PTPRD: variants seen among roughly 807,000 people sequenced by gnomAD.
The protein encoded by PTPRD is protein tyrosine phosphatase receptor type D.
A neutral mutation model predicts 214.5 loss-of-function variants in PTPRD; 34 were observed. The ratio of observed to expected loss-of-function variants is 0.16; its 90% confidence interval spans 0.12 to 0.21. PTPRD has a LOEUF of 0.21. PTPRD is among the 10% of genes least tolerant of loss of function. The pLI is 1.00. For missense variants in PTPRD, 2,545 were observed against 2,398.7 expected, an observed-to-expected ratio of 1.06 and a Z score of -1.27; for synonymous variants, 1,128 against 845.7, an observed-to-expected ratio of 1.33 and a Z score of -5.79.
chr9:9,796,655 G>A lies in PTPRD; in HGVS notation c.-367-29804C>T, dbSNP rs149531557. On this transcript the variant is annotated intron_variant, in intron 5 of 45. Transcript: ENST00000381196. ...AAAGAAGAAAAAACAAGCAAAAATT[G>A]CATTCAAAAAGGTAGGCAAGAACTA... Among the ~76,000 whole-genome samples, 1,044 of 152,146 alleles carry A rather than the reference G, an allele frequency of 6.9e-3. 9 individuals carry two copies. The highest frequency in any genetic ancestry group is 0.028 in the South Asian group (137 of 4,820).
chr9:9,004,567 C>A (rs371983188), intron 11 of PTPRD, among the ~76,000 whole-genome samples: 1 of 151,838 alleles, frequency 6.6e-6, no homozygotes, highest in Non-Finnish European at 1.5e-5. Context: ...TGTTTCTCTT[C>A]CTGACATTCT....
chr9:8,474,972 T>C (rs965948234), intron 30 of PTPRD, among the ~76,000 whole-genome samples: 2 of 152,204 alleles, frequency 1.3e-5, no homozygotes, highest in Non-Finnish European at 2.9e-5. Context: ...TCCTTCCCCA[T>C]TTGATCCCAT....
chr9:8,967,526 T>C (rs1232006443), intron 11 of PTPRD, among the ~76,000 whole-genome samples: 7 of 152,062 alleles, frequency 4.6e-5, no homozygotes, highest in South Asian at 2.1e-4. Flanking sequence ...TGCAACAACA[T>C]AGATGAAGCT....
At chr9:10,200,292 A>G (rs2099414485) in intron 3 of PTPRD, among the ~76,000 whole-genome samples, 1 of 152,120 alleles carries the variant, frequency 6.6e-6, no homozygotes, top group South Asian at 2.1e-4. Flanking sequence ...TATAACATAT[A>G]GATCAGTGGT....
intron 11 of PTPRD, among the ~76,000 whole-genome samples, chr9:8,869,512 G>A (rs1176246303): frequency 6.6e-6 from 1 of 152,108 alleles, no homozygotes; most frequent in Non-Finnish European, 1.5e-5. Context: ...GATTGATCCA[G>A]ACCCTGAATC....
chr9:8,330,616 C>A (rs139548564), intron 44 of PTPRD, among the ~76,000 whole-genome samples: 142 of 152,142 alleles, frequency 9.3e-4, no homozygotes, highest in African/African-American at 3.2e-3. Flanking sequence ...TTATAACATG[C>A]CTGAGAAACA....
chr9:10,287,880 A>C (rs2095411793), intron 3 of PTPRD, among the ~76,000 whole-genome samples: 1 of 151,986 alleles, frequency 6.6e-6, no homozygotes, highest in Non-Finnish European at 1.5e-5. Context: ...GTGTTTTGCC[A>C]GACAGAGGGG....
At chr9:8,591,333 A>G (rs2094090519) in intron 14 of PTPRD, among the ~76,000 whole-genome samples, 1 of 152,188 alleles carries the variant, frequency 6.6e-6, no homozygotes, top group Non-Finnish European at 1.5e-5. Context: ...CCCACAACCA[A>G]GAATAATGAA....
intron 35 of PTPRD, among the ~76,000 whole-genome samples, chr9:8,416,660 G>A (rs942633928): frequency 6.6e-6 from 1 of 151,812 alleles, no homozygotes; most frequent in South Asian, 2.1e-4. Context: ...AAAGAATACT[G>A]AAGGGCCAAC....
At chr9:8,338,263 A>C (rs745518116) in intron 43 of PTPRD, among the ~76,000 whole-genome samples, 3 of 152,122 alleles carry the variant, frequency 2.0e-5, no homozygotes, top group African/African-American at 4.8e-5. Flanking sequence ...CCAAAGGCGA[A>C]GATATCAGAG....
intron 11 of PTPRD, among the ~76,000 whole-genome samples, chr9:8,940,271 C>CCTTTTTTTT (rs2099023301): frequency 1.3e-5 from 1 of 74,880 alleles, no homozygotes. Flanking sequence ...ATCTCTCTCT[C>CCTTTTTTTT]TCTCTCTCCT....
intron 27 of PTPRD, 141 bp downstream of exon 27, chr9:8,492,721 C>A: frequency 2.1e-6 from 1 of 465,974 alleles, no homozygotes; most frequent in Non-Finnish European, 3.6e-6. Flanking sequence ...TTTTTTACCC[C>A]TGAACTAAAA....
intron 5 of PTPRD, among the ~76,000 whole-genome samples, chr9:9,837,467 T>A (rs888996084): frequency 6.6e-6 from 1 of 152,146 alleles, no homozygotes; most frequent in African/African-American, 2.4e-5. Flanking sequence ...TGTATTAATC[T>A]TGATGGGAAG....
intron 10 of PTPRD, among the ~76,000 whole-genome samples, chr9:9,157,382 A>C (rs146459256): frequency 6.6e-6 from 1 of 152,150 alleles, no homozygotes; most frequent in Non-Finnish European, 1.5e-5. Context: ...ATAAACTCTT[A>C]GATTAATGAG....
intron 25 of PTPRD, among the ~76,000 whole-genome samples, chr9:8,497,793 G>C (rs760360989): frequency 1.3e-5 from 2 of 152,082 alleles, no homozygotes; most frequent in African/African-American, 4.8e-5. Flanking sequence ...AAAAGACAGA[G>C]TTCACATTTA....
At chr9:8,436,487 T>C (rs2095355355) in intron 35 of PTPRD, 105 bp downstream of exon 35, 2 of 800,108 alleles carry the variant, frequency 2.5e-6, no homozygotes, top group African/African-American at 1.7e-5. Context: ...ATTTGAGTCA[T>C]ATTTAAAGGG....
chr9:9,516,324 T>G (rs2096837189), intron 8 of PTPRD, among the ~76,000 whole-genome samples: 1 of 152,028 alleles, frequency 6.6e-6, no homozygotes, highest in African/African-American at 2.4e-5. Context: ...TTTGTTGTCT[T>G]GTGAGAAAAT....
chr9:9,963,179 T>C (rs1262526183), intron 4 of PTPRD, among the ~76,000 whole-genome samples: 4 of 152,030 alleles, frequency 2.6e-5, no homozygotes, highest in African/African-American at 4.8e-5. Context: ...AAATCCATAA[T>C]ACAATACTGA....
intron 4 of PTPRD, among the ~76,000 whole-genome samples, chr9:9,956,338 A>T (rs1194592590): frequency 6.6e-6 from 1 of 151,788 alleles, no homozygotes; most frequent in African/African-American, 2.4e-5. Context: ...AAAGTAGTGT[A>T]GTGATTTAAT....
Sources: gnomAD v4.1 joint callset for allele counts (sites outside exome capture counted in the v4.1 genomes callset) on GRCh38, gnomAD v4.1.1 for gene constraint, MANE v1.5 for transcripts, NCBI Gene and HGNC (gene_info 2026-07-23, HGNC 2026-07-21) for gene names.